SZRD1: variants seen among roughly 807,000 people sequenced by gnomAD.
SZRD1 encodes the protein SUZ RNA-binding domain-containing.
In SZRD1, 7 loss-of-function variants were observed where a neutral mutation model predicts 17.6. That is an observed-to-expected ratio of 0.40 (90% confidence interval 0.23 to 0.75). The LOEUF (loss-of-function observed/expected upper bound fraction) is 0.75, where lower values mean the gene tolerates loss of function less well. Among genes scored for constraint, SZRD1 ranks in the 30% least tolerant of loss-of-function variants. The probability of loss-of-function intolerance (pLI) is 0.38; values close to 1 mark genes in which losing one functional copy is unlikely to be tolerated. For synonymous variants in SZRD1, 77 were observed against 77.9 expected (o/e 0.99, Z 0.06); for missense variants, 178 against 201.8 (o/e 0.88, Z 0.71).
rs7529767 is a variant in SZRD1 at position 16,396,773 on chromosome 1, T to C, written c.*1633T>C. On this transcript the variant is annotated 3_prime_UTR_variant, in exon 4 of 4. Coordinates refer to ENST00000401088, the MANE Select transcript of SZRD1 (RefSeq NM_001114600.3). ...TGTGGGAATGGTAGGCCAGGCCCAG[T>C]AAGCCATGCCCCAACACGTCCTCTC... 0.15 allele frequency: 23,319 copies of C among 152,350 alleles called. 2,256 individuals are homozygous for C. The highest frequency in any genetic ancestry group is 0.27 in the African/African-American group (11,263 of 41,498). The allele number at this position is 152,350 out of a possible 1,614,324, so 9.4% of individuals were successfully genotyped here. A position where few individuals can be genotyped will look rare whatever the true frequency, so the allele number is the denominator to read the frequency against.
At position 16,367,267 on chromosome 1, in the gene SZRD1, G is replaced by A; in HGVS notation, c.10G>A (p.Glu4Lys). ...GAAAGCGGCGAGTAAGATGGAAGAT[G>A]AGGAGGTCGCTGAGAGCTGGGAAGA... MED[E>K]EVAESWEEAA... is the part of the protein sequence containing the mutation. The change falls in exon 1 of 4, where the codon GAG (glutamate) becomes AAG (lysine). Residue 4 changes from glutamate (E) to lysine (K), a missense_variant. Glu to Lys is a moderately conservative substitution (Grantham distance 56, BLOSUM62 1). This residue lies in a region of SZRD1 where 117 missense variants were observed against 108.7 expected (regional missense o/e 1.08). Transcript: ENST00000401088. 6.5e-7 allele frequency: 1 copy of A among 1,548,804 alleles called. No homozygotes were observed. The highest frequency in any genetic ancestry group is 8.7e-7 in the Non-Finnish European group (1 of 1,146,550).
intron 1 of SZRD1, among the ~76,000 whole-genome samples, chr1:16,381,706 C>T (rs571438766): frequency 3.3e-5 from 5 of 152,076 alleles, no homozygotes; most frequent in African/African-American, 7.2e-5. Flanking sequence ...CTGAAGCAGG[C>T]GGATCACCTA....
At chr1:16,378,287 T>TC (rs1431684841) in intron 1 of SZRD1, among the ~76,000 whole-genome samples, 2 of 146,356 alleles carry the variant, frequency 1.4e-5, no homozygotes, top group Non-Finnish European at 3.0e-5. Flanking sequence ...GGCAACTTCT[T>TC]TTTTTTTTTT....
intron 1 of SZRD1, among the ~76,000 whole-genome samples, chr1:16,375,439 C>T (rs760531503): frequency 6.6e-6 from 1 of 152,112 alleles, no homozygotes; most frequent in Non-Finnish European, 1.5e-5. Context: ...CTCACCCTCC[C>T]AAGTAGCTGG....
At chr1:16,370,017 G>T (rs1052127065) in intron 1 of SZRD1, among the ~76,000 whole-genome samples, 3 of 151,908 alleles carry the variant, frequency 2.0e-5, no homozygotes, top group Non-Finnish European at 2.9e-5. Flanking sequence ...GAAACAACCT[G>T]TTGAGGCATT....
At chr1:16,390,266 C>T (rs1204073143) in intron 1 of SZRD1, among the ~76,000 whole-genome samples, 1 of 152,230 alleles carries the variant, frequency 6.6e-6, no homozygotes, top group Non-Finnish European at 1.5e-5. Context: ...CCCCACACCC[C>T]TGTCCTGGAT....
At chr1:16,394,026 C>G (rs1557632607) in intron 3 of SZRD1, among the ~76,000 whole-genome samples, 4 of 152,096 alleles carry the variant, frequency 2.6e-5, no homozygotes, top group Non-Finnish European at 1.5e-5. Context: ...TTCTAAATTC[C>G]TTTTTACTCT....
chr1:16,375,613 C>A (rs1185885144), intron 1 of SZRD1, among the ~76,000 whole-genome samples: 1 of 152,094 alleles, frequency 6.6e-6, no homozygotes, highest in Admixed American at 6.6e-5. Context: ...GCGCCCGGTC[C>A]GAGACAGAGA....
In SZRD1 at chr1:16,391,411, A is replaced by T; in HGVS notation, c.88A>T (p.Thr30Ser). Reference sequence around the variant, plus strand: ...ACGGTTGGAAAAAAAACTGAAGATCACACAAAAAGAGAGGTAAGGCTGCTG... The same window carrying T: ...ACGGTTGGAAAAAAAACTGAAGATCTCACAAAAAGAGAGGTAAGGCTGCTG... Reference protein sequence around the residue: ...DRRLEKKLKITQKESRKSKSP... With the variant: ...DRRLEKKLKISQKESRKSKSP... The change falls in exon 2 of 4, where the codon ACA becomes TCA. Residue 30 changes from threonine to serine, a missense_variant. By Grantham distance (58) the Thr-to-Ser change is moderately conservative. This residue lies in a region of SZRD1 where 117 missense variants were observed against 108.7 expected (regional missense o/e 1.08). Coordinates refer to ENST00000401088, the MANE Select transcript of SZRD1 (RefSeq NM_001114600.3). This position sits in a 1 kb window ranked among gnomAD's most constrained non-coding sequence, Gnocchi z 4.3. 1 of 1,549,454 alleles carries T rather than the reference A, an allele frequency of 6.5e-7. No homozygotes were observed. The highest frequency in any genetic ancestry group is 8.7e-7 in the Non-Finnish European group (1 of 1,146,632).
chr1:16,368,937 T>G (rs1239433911), intron 1 of SZRD1, among the ~76,000 whole-genome samples: 2 of 152,190 alleles, frequency 1.3e-5, no homozygotes, highest in African/African-American at 4.8e-5. Context: ...TGAATAGGAT[T>G]CAGCAGAAAT....
At chr1:16,376,341 G>A (rs1178589939) in intron 1 of SZRD1, among the ~76,000 whole-genome samples, 7 of 152,174 alleles carry the variant, frequency 4.6e-5, no homozygotes, top group Non-Finnish European at 2.9e-5. Context: ...GCCTGCATGA[G>A]CTCATAAACT....
chr1:16,378,001 A>T (rs1260142454), intron 1 of SZRD1, among the ~76,000 whole-genome samples: 2 of 152,146 alleles, frequency 1.3e-5, no homozygotes, highest in African/African-American at 4.8e-5. Context: ...GAAAATCAAC[A>T]GGGAGAAGCA....
rs1030459707 is a variant in SZRD1 at position 16,391,678 on chromosome 1, G to A, written c.101+254G>A. On this transcript the variant is annotated intron_variant, in intron 2 of 3. Coordinates refer to ENST00000401088, the MANE Select transcript of SZRD1 (RefSeq NM_001114600.3). This position sits in a 1 kb window ranked among gnomAD's most constrained non-coding sequence, Gnocchi z 4.3. ...GTCATCTGATGCAATGTGAGGAAGT[G>A]ACAAGTTGGAAGACTTGAGTTTTAG... 2.6e-5 allele frequency among the ~76,000 whole-genome samples: 4 copies of A among 152,116 alleles called. No individual in the cohort carries two copies. Among genetic ancestry groups the A allele is most frequent in the Non-Finnish European group, 5.9e-5 (4 of 68,020 alleles).
intron 1 of SZRD1, among the ~76,000 whole-genome samples, chr1:16,388,927 C>T (rs1414778748): frequency 6.6e-6 from 1 of 151,962 alleles, no homozygotes; most frequent in East Asian, 1.9e-4. Flanking sequence ...GGATTACAGG[C>T]ATAAGCCACT....
chr1:16,393,136 G>A lies in SZRD1; in HGVS notation c.102-92G>A, dbSNP rs781344987. Reference sequence around the variant, plus strand: ...TCATGCATGGGTAGAATTAGGGAGGGAGAGGAAAGTGATGAGAGGTGGGTG... The same window carrying A: ...TCATGCATGGGTAGAATTAGGGAGGAAGAGGAAAGTGATGAGAGGTGGGTG... On this transcript the variant is annotated intron_variant, in intron 2 of 3. Coordinates refer to ENST00000401088, the MANE Select transcript of SZRD1 (RefSeq NM_001114600.3). This position sits in a 1 kb window ranked among gnomAD's most constrained non-coding sequence, Gnocchi z 5.6. The A allele has an allele frequency of 8.8e-5, 131 of 1,495,948 alleles. No individual in the cohort carries two copies. Among genetic ancestry groups the A allele is most frequent in the Non-Finnish European group, 1.2e-4 (126 of 1,090,978 alleles). The allele number at this position is 1,495,948 out of a possible 1,614,324, so 92.7% of individuals were successfully genotyped here.
At chr1:16,392,569 C>T (rs558778604) in intron 2 of SZRD1, among the ~76,000 whole-genome samples, 4 of 152,302 alleles carry the variant, frequency 2.6e-5, no homozygotes, top group African/African-American at 4.8e-5. Flanking sequence ...CCAGCCCCGC[C>T]GCTGTCCAAA....
intron 1 of SZRD1, among the ~76,000 whole-genome samples, chr1:16,379,437 T>G (rs1214684375): frequency 6.6e-6 from 1 of 152,174 alleles, no homozygotes; most frequent in East Asian, 1.9e-4. Flanking sequence ...TAGTTGTGCA[T>G]AGTTGTGCAG....
At chr1:16,386,620 C>T (rs80285479) in intron 1 of SZRD1, among the ~76,000 whole-genome samples, 36 of 152,302 alleles carry the variant, frequency 2.4e-4, no homozygotes, top group African/African-American at 7.9e-4. Context: ...CCCTCTCCAG[C>T]TGCTGGCAGA....
intron 1 of SZRD1, among the ~76,000 whole-genome samples, chr1:16,388,890 C>T (rs907242560): frequency 1.8e-4 from 28 of 151,554 alleles, no homozygotes; most frequent in Non-Finnish European, 3.4e-4. Flanking sequence ...CCAAGTGATC[C>T]GCCTGCCTCA....
Sources: allele counts gnomAD v4.1 joint callset (sites outside exome capture counted in the v4.1 genomes callset), GRCh38; gene constraint gnomAD v4.1.1; regional missense constraint gnomAD v4.1.1; non-coding constraint Gnocchi (gnomAD v3.1); transcripts MANE v1.5; gene names NCBI Gene and HGNC (gene_info 2026-07-23, HGNC 2026-07-21).